TSPAN18: variants seen among roughly 807,000 people sequenced by gnomAD.
TSPAN18 encodes the protein tetraspanin 18.
A neutral mutation model predicts 27.3 loss-of-function variants in TSPAN18; 14 were observed. The observed-to-expected ratio is 0.51, with a 90% confidence interval of 0.34 to 0.80. The LOEUF (loss-of-function observed/expected upper bound fraction) is 0.80. Among genes scored for constraint, TSPAN18 ranks in the 30% least tolerant of loss-of-function variants. The pLI, the probability that TSPAN18 is intolerant of heterozygous loss-of-function variation, is 0.01. For synonymous variants in TSPAN18, 143 were observed against 136.5 expected (o/e 1.05, Z -0.33); for missense variants, 268 against 323.9 (o/e 0.83, Z 1.32).
At chr11:44,847,860 G>T (rs1234780494) in intron 2 of TSPAN18, among the ~76,000 whole-genome samples, 1 of 151,776 alleles carries the variant, frequency 6.6e-6, no homozygotes, top group Non-Finnish European at 1.5e-5. Flanking sequence ...TCCCAATGGA[G>T]TTTCACTGTG....
intron 3 of TSPAN18, among the ~76,000 whole-genome samples, chr11:44,900,156 C>G (rs576667973): frequency 2.6e-5 from 4 of 152,344 alleles, no homozygotes; most frequent in East Asian, 3.9e-4. Flanking sequence ...GTCTGTCACT[C>G]TAGTCTGACC....
At chr11:44,739,335 C>T (rs184181177) in intron 1 of TSPAN18, among the ~76,000 whole-genome samples, 22 of 152,228 alleles carry the variant, frequency 1.4e-4, no homozygotes, top group African/African-American at 5.3e-4. Flanking sequence ...AAAATAATCA[C>T]GTCTGGCTGG....
chr11:44,807,767 T>G (rs1417596767), intron 2 of TSPAN18, among the ~76,000 whole-genome samples: 1 of 152,198 alleles, frequency 6.6e-6, no homozygotes, highest in Non-Finnish European at 1.5e-5. Context: ...AGTCACCTAA[T>G]GCCTTTGGAC....
At chr11:44,849,743 C>T (rs1052984574) in intron 2 of TSPAN18, among the ~76,000 whole-genome samples, 2 of 152,208 alleles carry the variant, frequency 1.3e-5, no homozygotes, top group African/African-American at 4.8e-5. Context: ...GAGGAAAGCA[C>T]AGGCCATGGC....
intron 3 of TSPAN18, chr11:44,897,900 A>C: frequency 1.6e-6 from 2 of 1,266,128 alleles, no homozygotes; most frequent in Non-Finnish European, 1.0e-6. Context: ...TCCCATCTCC[A>C]CTCTGATCCT....
chr11:44,888,232 C>T (rs559835729), intron 3 of TSPAN18, among the ~76,000 whole-genome samples: 1 of 152,306 alleles, frequency 6.6e-6, no homozygotes, highest in East Asian at 1.9e-4. Context: ...AGCCATGTGC[C>T]TTCTGGCATC....
intron 2 of TSPAN18, among the ~76,000 whole-genome samples, chr11:44,767,484 A>G (rs540101486): frequency 6.8e-4 from 104 of 152,242 alleles, no homozygotes; most frequent in African/African-American, 2.1e-3. Context: ...CTCTTCTCCA[A>G]TTCACCACCC....
intron 1 of TSPAN18, among the ~76,000 whole-genome samples, chr11:44,737,026 G>A (rs541398568): frequency 6.6e-6 from 1 of 152,232 alleles, no homozygotes; most frequent in Non-Finnish European, 1.5e-5. Context: ...GGAGCTCAGT[G>A]CCTGGGGTTG....
intron 3 of TSPAN18, among the ~76,000 whole-genome samples, chr11:44,881,118 A>C (rs936575552): frequency 1.2e-4 from 19 of 152,236 alleles, no homozygotes; most frequent in Admixed American, 1.0e-3. Flanking sequence ...CAAGTAACTT[A>C]ACCTCTCTGA....
At chr11:44,799,671 T>G (rs1856432697) in intron 2 of TSPAN18, among the ~76,000 whole-genome samples, 1 of 152,216 alleles carries the variant, frequency 6.6e-6, no homozygotes, top group South Asian at 2.1e-4. Context: ...AGGTAGGTGC[T>G]ACTATTTTCC....
At chr11:44,831,034 A>C (rs1429219149) in intron 2 of TSPAN18, among the ~76,000 whole-genome samples, 2 of 152,276 alleles carry the variant, frequency 1.3e-5, no homozygotes, top group Admixed American at 6.5e-5. Flanking sequence ...AATTGCTTGA[A>C]CCTAGGAGGT....
At chr11:44,848,234 C>T (rs1368032931) in intron 2 of TSPAN18, among the ~76,000 whole-genome samples, 1 of 152,096 alleles carries the variant, frequency 6.6e-6, no homozygotes, top group African/African-American at 2.4e-5. Context: ...TGACCTTGCC[C>T]CTGCCCTGAT....
At position 44,930,352 on chromosome 11, in the gene TSPAN18, T is replaced by A. The variant is rs917120342; in HGVS notation, c.*1174T>A. 6.4e-6 allele frequency: 1 copy of A among 156,008 alleles called. No individual in the cohort carries two copies. The allele number at this position is 156,008 out of a possible 1,614,324, so 9.7% of individuals were successfully genotyped here. ...CCTTTGGACTGCTCTGACTTTAGCA[T>A]CAGCTTAATACACAGAAGAGGTTTC... On this transcript the variant is annotated 3_prime_UTR_variant, in exon 10 of 10. Transcript: ENST00000520358.
Position 44,869,269 on chromosome 11 carries a change from G to A in TSPAN18, c.-11+8800G>A, listed in dbSNP as rs117627394. On this transcript the variant is annotated intron_variant, in intron 3 of 9. Coordinates refer to ENST00000520358, the MANE Select transcript of TSPAN18 (RefSeq NM_130783.5). Reference sequence around the variant, plus strand: ...GGAGCTCACTACCAACCAAGAGAGCGTTCAGACTGCTTTGAAAAAAGTCAT... The same window carrying A: ...GGAGCTCACTACCAACCAAGAGAGCATTCAGACTGCTTTGAAAAAAGTCAT... 3.9e-3 allele frequency among the ~76,000 whole-genome samples: 590 copies of A among 152,270 alleles called. 2 individuals are homozygous for A. Among genetic ancestry groups the A allele is most frequent in the Non-Finnish European group, 6.1e-3 (418 of 68,034 alleles).
At chr11:44,852,131 G>T (rs921809724) in intron 2 of TSPAN18, among the ~76,000 whole-genome samples, 1 of 152,170 alleles carries the variant, frequency 6.6e-6, no homozygotes. Flanking sequence ...ACCACCCATT[G>T]GTCGAGTACT....
At chr11:44,909,942 G>T in intron 5 of TSPAN18, 43 bp downstream of exon 5, 3 of 1,564,888 alleles carry the variant, frequency 1.9e-6, no homozygotes, top group Non-Finnish European at 2.6e-6. Flanking sequence ...TGCTCTGAGG[G>T]GTGTCAGGGA....
chr11:44,904,264 C>T (rs1859374414), intron 3 of TSPAN18, among the ~76,000 whole-genome samples: 1 of 152,214 alleles, frequency 6.6e-6, no homozygotes, highest in Admixed American at 6.5e-5. Context: ...GACTTTGATG[C>T]TGAGTGGCCC....
chr11:44,861,127 C>T (rs1857869518), intron 3 of TSPAN18, among the ~76,000 whole-genome samples: 1 of 152,122 alleles, frequency 6.6e-6, no homozygotes, highest in Admixed American at 6.5e-5. Flanking sequence ...CTGCCTCCCT[C>T]CTTGTGAGCT....
chr11:44,824,553 A>G (rs1334327544), intron 2 of TSPAN18, among the ~76,000 whole-genome samples: 1 of 152,224 alleles, frequency 6.6e-6, no homozygotes, highest in Non-Finnish European at 1.5e-5. Flanking sequence ...GTGACCTCCA[A>G]ACAAAGCTGG....
Sources: allele counts gnomAD v4.1 joint callset (sites outside exome capture counted in the v4.1 genomes callset), GRCh38; gene constraint gnomAD v4.1.1; transcripts MANE v1.5; gene names NCBI Gene and HGNC (gene_info 2026-07-23, HGNC 2026-07-21).